The following IMPG1 variants were observed in gnomAD, a reference collection of about 807,000 sequenced individuals.
IMPG1 encodes the protein interphotoreceptor matrix proteoglycan of 150 kDa.
In IMPG1, 85 loss-of-function variants were observed where a neutral mutation model predicts 92.0. The observed-to-expected ratio is 0.92, with a 90% CI of 0.78 to 1.11. The LOEUF is 1.11. IMPG1 is among the 50% of genes least tolerant of loss of function. The pLI, the probability that IMPG1 is intolerant of heterozygous loss-of-function variation, is 0.00. For missense variants in IMPG1, 1,022 were observed against 956.0 expected (o/e 1.07, Z -0.91); for synonymous variants, 367 against 334.1 (o/e 1.10, Z -1.08).
intron 9 of IMPG1, among the ~76,000 whole-genome samples, chr6:76,006,520 G>A (rs541765254): frequency 2.0e-5 from 3 of 149,222 alleles, no homozygotes; most frequent in African/African-American, 7.4e-5. Flanking sequence ...ATACATATGG[G>A]TATATATACG....
At chr6:76,054,039 T>C (rs1784082630) in intron 1 of IMPG1, among the ~76,000 whole-genome samples, 1 of 152,138 alleles carries the variant, frequency 6.6e-6, no homozygotes, top group Non-Finnish European at 1.5e-5. Context: ...TCATTTTGGG[T>C]ACTTGGAGAC....
intron 12 of IMPG1, among the ~76,000 whole-genome samples, chr6:76,001,776 G>A (rs989781923): frequency 6.6e-6 from 1 of 152,164 alleles, no homozygotes; most frequent in Admixed American, 6.5e-5. Flanking sequence ...AGATTTATTG[G>A]CAAAATAAAT....
At chr6:76,051,513 C>T (rs1262604944) in intron 1 of IMPG1, among the ~76,000 whole-genome samples, 1 of 152,104 alleles carries the variant, frequency 6.6e-6, no homozygotes, top group Non-Finnish European at 1.5e-5. Flanking sequence ...CAATCTGTGG[C>T]CTTAGAGGCA....
At chr6:75,927,451 G>A (rs554121901) in intron 15 of IMPG1, among the ~76,000 whole-genome samples, 1 of 152,208 alleles carries the variant, frequency 6.6e-6, no homozygotes, top group South Asian at 2.1e-4. Flanking sequence ...ATAAATGATA[G>A]CATCTTGGGA....
At chr6:76,035,879 A>G (rs915126772) in intron 2 of IMPG1, among the ~76,000 whole-genome samples, 8 of 152,332 alleles carry the variant, frequency 5.3e-5, no homozygotes, top group African/African-American at 1.4e-4. Context: ...GAGGGACAAC[A>G]CACATTTTGG....
At chr6:75,995,593 A>C (rs893963841) in intron 12 of IMPG1, among the ~76,000 whole-genome samples, 75 of 152,370 alleles carry the variant, frequency 4.9e-4, no homozygotes, top group African/African-American at 1.8e-3. Flanking sequence ...TCAATTGGCT[A>C]CATAGAATTT....
intron 1 of IMPG1, among the ~76,000 whole-genome samples, chr6:76,053,527 G>C (rs891655115): frequency 6.6e-6 from 1 of 152,186 alleles, no homozygotes; most frequent in Admixed American, 6.5e-5. Flanking sequence ...TTAGGGGAAA[G>C]GAATGTGGAT....
chr6:76,018,878 AAAG>A lies in IMPG1; in HGVS notation c.667-23_667-21del. 1 of 1,564,490 alleles carries A rather than the reference AAAG, an allele frequency of 6.4e-7. No individual in the cohort carries two copies. Among genetic ancestry groups the A allele is most frequent in the African/African-American group, 1.4e-5 (1 of 72,424 alleles). ...TCTTTCCTGAGTTTAAAAAAAAAAAAAAGGACTTCTGTTAACCTAAACCACAAA... is the reference window on the plus strand; with the variant it reads ...TCTTTCCTGAGTTTAAAAAAAAAAAAGACTTCTGTTAACCTAAACCACAAA... On this transcript the variant is annotated intron_variant, in intron 6 of 16. Coordinates refer to ENST00000369950, the MANE Select transcript of IMPG1 (RefSeq NM_001563.4).
At chr6:76,053,731 C>T (rs1425809997) in intron 1 of IMPG1, among the ~76,000 whole-genome samples, 1 of 152,038 alleles carries the variant, frequency 6.6e-6, no homozygotes, top group Non-Finnish European at 1.5e-5. Context: ...TAATTTAGCC[C>T]AGCATCTCTG....
rs146634285 is a variant in IMPG1, at chr6:76,060,748, C to T, written c.67+11674G>A. ...AAGGCTTGGTACCACAAGTTCCTTC[C>T]CCACGACTGCAGAGGTCTTTTCTAC... On this transcript the variant is annotated intron_variant, in intron 1 of 16. Transcript: ENST00000369950. Among the ~76,000 whole-genome samples, 490 of 152,190 alleles carry T rather than the reference C, an allele frequency of 3.2e-3. 1 individual carries two copies. The highest frequency in any genetic ancestry group is 0.011 in the African/African-American group (463 of 41,538).
intron 14 of IMPG1, among the ~76,000 whole-genome samples, chr6:75,946,648 T>A (rs564292578): frequency 1.6e-4 from 25 of 152,362 alleles, no homozygotes; most frequent in African/African-American, 4.8e-4. Context: ...ATGTTTGCTT[T>A]CTCTTGTGTG....
intron 1 of IMPG1, among the ~76,000 whole-genome samples, chr6:76,067,471 C>A (rs1322069551): frequency 6.6e-6 from 1 of 151,996 alleles, no homozygotes; most frequent in East Asian, 1.9e-4. Flanking sequence ...CATACAACTT[C>A]TCAAGGTTGA....
chr6:76,004,001 T>C, intron 10 of IMPG1, 51 bp from the exon 11 acceptor site: 1 of 1,409,270 alleles, frequency 7.1e-7, no homozygotes. Context: ...TTTTCTTTTG[T>C]GGTTGGGACA....
Position 76,034,746 on chromosome 6 carries a change from C to T in IMPG1, c.343G>A (p.Asp115Asn). The T allele has an allele frequency of 1.2e-6, 2 of 1,614,080 alleles. No individual in the cohort carries two copies. Among genetic ancestry groups the T allele is most frequent in the Non-Finnish European group, 1.7e-6 (2 of 1,179,992 alleles). Residue 115 changes from aspartate (D) to asparagine (N), a missense_variant, in exon 3 of 17, where the codon GAT (aspartate) becomes AAT (asparagine). Coordinates refer to ENST00000369950, the MANE Select transcript of IMPG1 (RefSeq NM_001563.4). ...AVWEAYRIFL[D>N]RIPDTGEYQD... ...TATTCCCCTGTGTCAGGGATGCGAT[C>T]CAGAAAGATCCGATATGCTTCCCAT...
chr6:76,049,597 C>T (rs1266445382), intron 1 of IMPG1, among the ~76,000 whole-genome samples: 3 of 152,178 alleles, frequency 2.0e-5, no homozygotes, highest in Non-Finnish European at 2.9e-5. Context: ...ACACAATATA[C>T]AGAAAGTGAC....
chr6:76,062,855 GTT>G (rs34696512), intron 1 of IMPG1, among the ~76,000 whole-genome samples: 115,242 of 144,214 alleles, frequency 0.8, 47,546 homozygotes, highest in Non-Finnish European at 0.91. Context: ...AGCAAGTTAG[GTT>G]TTTTTTTTTT....
intron 9 of IMPG1, 136 bp from the exon 10 acceptor site, chr6:76,005,670 TA>T: frequency 1.3e-6 from 1 of 787,306 alleles, no homozygotes; most frequent in Non-Finnish European, 2.1e-6. Flanking sequence ...TATCCCACTT[TA>T]AAACATTTCA....
intron 3 of IMPG1, 133 bp downstream of exon 3, chr6:76,034,488 G>C: frequency 8.2e-7 from 1 of 1,216,852 alleles, no homozygotes; most frequent in Non-Finnish European, 1.2e-6. Context: ...ATTTCTATTG[G>C]CCTAATCAGA....
At position 76,030,996 on chromosome 6, in the gene IMPG1, C is replaced by T. The variant is rs144211728; in HGVS notation, c.497+3319G>A. Among the ~76,000 whole-genome samples, 299 of 152,234 alleles carry T rather than the reference C, an allele frequency of 2.0e-3. 1 individual carries two copies. The highest frequency in any genetic ancestry group is 6.9e-3 in the African/African-American group (286 of 41,560). ...TGGGATTCAAGCTGTGGGTGGCAAG[C>T]AGTCTAGTTAGGTGAGTGTCCCTGC... On this transcript the variant is annotated intron_variant, in intron 4 of 16. Coordinates refer to ENST00000369950, the MANE Select transcript of IMPG1 (RefSeq NM_001563.4).
Sources: allele counts gnomAD v4.1 joint callset (sites outside exome capture counted in the v4.1 genomes callset), GRCh38; gene constraint gnomAD v4.1.1; transcripts MANE v1.5; gene names NCBI Gene and HGNC (gene_info 2026-07-23, HGNC 2026-07-21).